Variants in LHFPL6 observed in about 807,000 individuals in gnomAD.
The protein encoded by LHFPL6 is LHFPL tetraspan subfamily member 6 protein.
Under a neutral mutation model 20.6 loss-of-function variants are expected in LHFPL6, and 9 were observed. The ratio of observed to expected loss-of-function variants is 0.44; its 90% CI spans 0.26 to 0.76. The LOEUF is 0.76. Ranked by LOEUF, LHFPL6 falls within the 30% of genes least tolerant of loss-of-function variation. The pLI is 0.20. For missense variants in LHFPL6, 218 were observed against 253.5 expected, an observed-to-expected ratio of 0.86 and a Z score of 0.95; for synonymous variants, 105 against 98.7, an observed-to-expected ratio of 1.06 and a Z score of -0.38.
At chr13:39,353,938 A>G (rs1008944991) in intron 3 of LHFPL6, among the ~76,000 whole-genome samples, 28 of 152,166 alleles carry the variant, frequency 1.8e-4, no homozygotes. Context: ...AAGAATAGGT[A>G]GTGAGAAGGT....
intron 2 of LHFPL6, among the ~76,000 whole-genome samples, chr13:39,517,439 C>T (rs1010147608): frequency 1.3e-5 from 2 of 152,142 alleles, no homozygotes; most frequent in Non-Finnish European, 2.9e-5. Flanking sequence ...TGGCTCTCTC[C>T]TTCTTATCCC....
chr13:39,595,355 C>A (rs1418943565), intron 2 of LHFPL6, among the ~76,000 whole-genome samples: 1 of 152,130 alleles, frequency 6.6e-6, no homozygotes, highest in African/African-American at 2.4e-5. Flanking sequence ...TGCAGTGGCA[C>A]AATCTCGGCT....
intron 2 of LHFPL6, among the ~76,000 whole-genome samples, chr13:39,588,719 G>T (rs1248397491): frequency 6.6e-6 from 1 of 152,050 alleles, no homozygotes; most frequent in Non-Finnish European, 1.5e-5. Context: ...TTCCCATGAG[G>T]TACAGAAGAA....
intron 2 of LHFPL6, among the ~76,000 whole-genome samples, chr13:39,571,737 C>A (rs541626979): frequency 6.6e-6 from 1 of 152,356 alleles, no homozygotes; most frequent in African/African-American, 2.4e-5. Flanking sequence ...CACCGCTGTC[C>A]GTGGACAGTG....
At chr13:39,390,364 G>A (rs1181376806) in intron 2 of LHFPL6, among the ~76,000 whole-genome samples, 2 of 152,140 alleles carry the variant, frequency 1.3e-5, no homozygotes, top group African/African-American at 4.8e-5. Context: ...CACGCGTGGT[G>A]GTACATGCCT....
chr13:39,403,191 T>A (rs2138380688), intron 2 of LHFPL6, among the ~76,000 whole-genome samples: 1 of 152,328 alleles, frequency 6.6e-6, no homozygotes, highest in East Asian at 1.9e-4. Context: ...AATGCTTTTG[T>A]CAAGTGGCAA....
At chr13:39,398,552 T>C (rs1015947371) in intron 2 of LHFPL6, among the ~76,000 whole-genome samples, 1 of 152,208 alleles carries the variant, frequency 6.6e-6, no homozygotes. Context: ...AAGTGATACA[T>C]TTTACCAGCC....
At chr13:39,520,370 C>G (rs1358708258) in intron 2 of LHFPL6, among the ~76,000 whole-genome samples, 1 of 152,170 alleles carries the variant, frequency 6.6e-6, no homozygotes, top group East Asian at 1.9e-4. Flanking sequence ...CCAACCCAAA[C>G]AACCCAAACA....
At chr13:39,579,993 A>C (rs1292601993) in intron 2 of LHFPL6, among the ~76,000 whole-genome samples, 1 of 152,230 alleles carries the variant, frequency 6.6e-6, no homozygotes, top group African/African-American at 2.4e-5. Context: ...TTAAGATTAA[A>C]TGAGAAAATG....
At chr13:39,597,868 CT>C (rs1378826734) in intron 2 of LHFPL6, among the ~76,000 whole-genome samples, 1 of 152,216 alleles carries the variant, frequency 6.6e-6, no homozygotes, top group Non-Finnish European at 1.5e-5. Flanking sequence ...ACAATTTGTC[CT>C]TTAACTTGTT....
intron 2 of LHFPL6, among the ~76,000 whole-genome samples, chr13:39,563,656 T>G (rs182642734): frequency 6.6e-6 from 1 of 152,268 alleles, no homozygotes; most frequent in Admixed American, 6.5e-5. Flanking sequence ...ACTCAGAACA[T>G]AATTTCTACT....
chr13:39,465,965 G>A (rs1236900797), intron 2 of LHFPL6, among the ~76,000 whole-genome samples: 2 of 151,992 alleles, frequency 1.3e-5, no homozygotes, highest in Admixed American at 6.6e-5. Context: ...CCACCATACT[G>A]TGACTGGGAT....
intron 2 of LHFPL6, among the ~76,000 whole-genome samples, chr13:39,486,040 CAA>C (rs1868714516): frequency 6.6e-6 from 1 of 152,148 alleles, no homozygotes; most frequent in African/African-American, 2.4e-5. Flanking sequence ...CTCAGGGCCA[CAA>C]AGTCTGCTGG....
intron 2 of LHFPL6, among the ~76,000 whole-genome samples, chr13:39,562,190 A>C (rs1177735289): frequency 6.6e-6 from 1 of 152,060 alleles, no homozygotes; most frequent in Non-Finnish European, 1.5e-5. Context: ...AGGTAGGAAT[A>C]TCTATCCAGC....
rs374866264 is a variant in LHFPL6, at chr13:39,437,889, G to A, written c.386-59363C>T. On this transcript the variant is annotated intron_variant, in intron 2 of 3. Transcript: ENST00000379589. ...TGCACTCCAGCCTGGGTGACAGAGCGAGACTCCGTCTCAAAAAAAAAAAAA... is the reference window on the plus strand; with the variant it reads ...TGCACTCCAGCCTGGGTGACAGAGCAAGACTCCGTCTCAAAAAAAAAAAAA... Among the ~76,000 whole-genome samples, 181 of 134,580 alleles carry A rather than the reference G, an allele frequency of 1.3e-3. 6 individuals carry two copies. The South Asian group carries it at 0.043, about 32-fold the overall frequency. The allele number at this position is 134,580 out of a possible 152,430, so 88.3% of individuals were successfully genotyped here. A position where few individuals can be genotyped will look rare whatever the true frequency, so the allele number is the denominator to read the frequency against.
chr13:39,448,265 G>A (rs1413559389), intron 2 of LHFPL6, among the ~76,000 whole-genome samples: 23 of 152,062 alleles, frequency 1.5e-4, no homozygotes, highest in Non-Finnish European at 4.4e-5. Flanking sequence ...CTTGTCTATT[G>A]GCCTCAGATC....
chr13:39,384,603 T>C (rs1340518865), intron 2 of LHFPL6, among the ~76,000 whole-genome samples: 1 of 152,220 alleles, frequency 6.6e-6, no homozygotes, highest in Non-Finnish European at 1.5e-5. Flanking sequence ...TATTACACTG[T>C]ATGCAGAAAT....
chr13:39,381,574 A>T (rs577712060), intron 2 of LHFPL6, among the ~76,000 whole-genome samples: 4 of 152,242 alleles, frequency 2.6e-5, no homozygotes, highest in Admixed American at 2.0e-4. Flanking sequence ...CCATGGCAGA[A>T]TCCTCCCACT....
chr13:39,393,579 G>A (rs1870764904), intron 2 of LHFPL6, among the ~76,000 whole-genome samples: 1 of 152,088 alleles, frequency 6.6e-6, no homozygotes, highest in Non-Finnish European at 1.5e-5. Flanking sequence ...AGGGAGTAGA[G>A]GACAGTGGTG....
Sources: gnomAD v4.1 joint callset for allele counts (sites outside exome capture counted in the v4.1 genomes callset) on GRCh38, gnomAD v4.1.1 for gene constraint, MANE v1.5 for transcripts, NCBI Gene and HGNC (gene_info 2026-07-23, HGNC 2026-07-21) for gene names.